Variants in PDE4B observed in about 807,000 individuals in gnomAD.
PDE4B encodes 3',5'-cyclic-AMP phosphodiesterase 4B.
Under a neutral mutation model 82.2 loss-of-function variants are expected in PDE4B, and 20 were observed. That is an observed-to-expected ratio of 0.24 (90% confidence interval 0.17 to 0.35). The LOEUF (loss-of-function observed/expected upper bound fraction) is 0.35. PDE4B is among the 10% of genes least tolerant of loss of function. PDE4B has a pLI of 1.00. For missense variants in PDE4B, 655 were observed against 907.2 expected (o/e 0.72, Z 3.57); for synonymous variants, 320 against 318.9 (o/e 1.00, Z -0.04).
intron 1 of PDE4B, among the ~76,000 whole-genome samples, chr1:65,801,229 A>C (rs1177397661): frequency 6.6e-6 from 1 of 152,182 alleles, no homozygotes; most frequent in African/African-American, 2.4e-5. Flanking sequence ...GAAGTGGCAA[A>C]ACAGATGTAG....
chr1:66,268,756 T>C (rs1476292082), intron 7 of PDE4B, among the ~76,000 whole-genome samples: 1 of 151,542 alleles, frequency 6.6e-6, no homozygotes, highest in East Asian at 1.9e-4. Flanking sequence ...CCAGCCAAGG[T>C]TCTTATCAGC....
Position 66,173,805 on chromosome 1 carries a change from A to T in PDE4B, c.282-73655A>T, listed in dbSNP as rs79333720. 1.5e-3 allele frequency among the ~76,000 whole-genome samples: 234 copies of T among 152,152 alleles called. 1 individual carries two copies. Among genetic ancestry groups the T allele is most frequent in the Non-Finnish European group, 2.2e-3 (149 of 67,996 alleles). On this transcript the variant is annotated intron_variant, in intron 3 of 16. Coordinates refer to ENST00000341517, the MANE Select transcript of PDE4B (RefSeq NM_002600.4). The stretch of plus-strand genomic sequence containing the variant: ...TTTTTGTTTGTTGGTTTGTTTTTTG[A>T]TGCAGAGTCTTGCTGTGTCACCCAG...
At position 65,808,122 on chromosome 1, in the gene PDE4B, G is replaced by T. The variant is rs1186538430; in HGVS notation, c.-71+14874G>T. On this transcript the variant is annotated intron_variant, in intron 1 of 16. Transcript: ENST00000341517. ...GAAGTGTAAGTAGGGCTTTGAGTCA[G>T]TGAGGATTAAAGGGAGTGTTGGGTC... 2.6e-5 allele frequency among the ~76,000 whole-genome samples: 4 copies of T among 151,528 alleles called. No homozygotes were observed. In the East Asian group the frequency reaches 7.8e-4, roughly 29 times the overall value.
At chr1:66,235,998 A>G (rs1164204323) in intron 3 of PDE4B, among the ~76,000 whole-genome samples, 1 of 152,210 alleles carries the variant, frequency 6.6e-6, no homozygotes, top group African/African-American at 2.4e-5. Flanking sequence ...GAGCTCAGCT[A>G]TTTGTTACAT....
At chr1:66,127,473 T>C (rs1645846904) in intron 3 of PDE4B, among the ~76,000 whole-genome samples, 1 of 152,174 alleles carries the variant, frequency 6.6e-6, no homozygotes, top group Non-Finnish European at 1.5e-5. Flanking sequence ...GGGAAAAAGA[T>C]GGTTGTATTT....
At chr1:66,136,745 T>C in intron 3 of PDE4B, among the ~76,000 whole-genome samples, 1 of 138,494 alleles carries the variant, frequency 7.2e-6, no homozygotes, top group Non-Finnish European at 1.6e-5. Context: ...GGAAGATAAC[T>C]GGAATGCAAA....
chr1:65,917,890 G>A (rs762764516), intron 2 of PDE4B, among the ~76,000 whole-genome samples: 39 of 152,336 alleles, frequency 2.6e-4, no homozygotes, highest in African/African-American at 7.2e-4. Flanking sequence ...ATGGCTAGGC[G>A]TAGTGGCTCA....
At chr1:66,289,726 TTA>T (rs962778435) in intron 7 of PDE4B, among the ~76,000 whole-genome samples, 2 of 150,390 alleles carry the variant, frequency 1.3e-5, no homozygotes, top group Admixed American at 6.6e-5. Flanking sequence ...ATATATATTT[TTA>T]AAAATGTAAC....
chr1:66,308,277 C>G (rs1231852231), intron 7 of PDE4B, among the ~76,000 whole-genome samples: 1 of 152,102 alleles, frequency 6.6e-6, no homozygotes, highest in Non-Finnish European at 1.5e-5. Flanking sequence ...GAGGAAGAAT[C>G]AAAATGCTGG....
At chr1:66,339,197 A>G (rs1660772700) in intron 8 of PDE4B, among the ~76,000 whole-genome samples, 1 of 152,192 alleles carries the variant, frequency 6.6e-6, no homozygotes, top group Non-Finnish European at 1.5e-5. Flanking sequence ...TAACATGTCC[A>G]CTGTTTTCCT....
chr1:66,200,117 T>G (rs1054269319), intron 3 of PDE4B, among the ~76,000 whole-genome samples: 4 of 152,150 alleles, frequency 2.6e-5, no homozygotes, highest in African/African-American at 9.7e-5. Context: ...TTTCACCATT[T>G]CTTGTTTTTG....
At chr1:66,273,869 G>A (rs1399986335) in intron 7 of PDE4B, among the ~76,000 whole-genome samples, 1 of 152,244 alleles carries the variant, frequency 6.6e-6, no homozygotes, top group Non-Finnish European at 1.5e-5. Context: ...CTCAGGACAT[G>A]TGCATAGTGC....
chr1:66,186,035 G>A (rs1647200111), intron 3 of PDE4B, among the ~76,000 whole-genome samples: 1 of 152,184 alleles, frequency 6.6e-6, no homozygotes, highest in African/African-American at 2.4e-5. Context: ...AAGGGATCCA[G>A]TTTCAGCTTT....
chr1:66,367,847 C>G lies in PDE4B; in HGVS notation c.1536C>G (p.Asp512Glu), dbSNP rs1232131834. The G allele has an allele frequency of 6.2e-7, 1 of 1,613,174 alleles. No individual in the cohort carries two copies. Among genetic ancestry groups the G allele is most frequent in the Non-Finnish European group, 8.5e-7 (1 of 1,179,512 alleles). Reference sequence around the variant, plus strand: ...AGACACTCAGGAAGATGGTTATTGACATGGTAAGACTTTAGCCTCTCTACA... The same window carrying G: ...AGACACTCAGGAAGATGGTTATTGAGATGGTAAGACTTTAGCCTCTCTACA... ...QRQTLRKMVI[D>E]MVLATDMSKH... Residue 512 changes from aspartate (D) to glutamate (E), a missense_variant, in exon 14 of 17, where the codon GAC (aspartate) becomes GAG (glutamate). By Grantham distance (45) the Asp-to-Glu change is conservative. Around this residue, in one of 3 missense-constraint regions of PDE4B, gnomAD observed 283 missense variants for 516.4 expected, o/e 0.55. Coordinates refer to ENST00000341517, the MANE Select transcript of PDE4B (RefSeq NM_002600.4).
intron 1 of PDE4B, among the ~76,000 whole-genome samples, chr1:65,897,468 C>G (rs1557804848): frequency 6.6e-6 from 1 of 152,036 alleles, no homozygotes; most frequent in East Asian, 1.9e-4. Flanking sequence ...GGTTCCATCT[C>G]TCAGGCAATA....
chr1:66,345,758 C>T (rs949132206), intron 8 of PDE4B, among the ~76,000 whole-genome samples: 15 of 152,140 alleles, frequency 9.9e-5, no homozygotes, highest in African/African-American at 3.1e-4. Flanking sequence ...TGCCTAATTC[C>T]AGCTTTCTAA....
intron 1 of PDE4B, among the ~76,000 whole-genome samples, chr1:65,801,030 G>T (rs2101162415): frequency 6.6e-6 from 1 of 152,258 alleles, no homozygotes; most frequent in East Asian, 1.9e-4. Flanking sequence ...CTCCCTTGAA[G>T]GTAGCAATGG....
intron 3 of PDE4B, among the ~76,000 whole-genome samples, chr1:66,063,665 A>G (rs2100903899): frequency 6.6e-6 from 1 of 152,118 alleles, no homozygotes; most frequent in East Asian, 1.9e-4. Context: ...GAACTGTTGT[A>G]TCTTCTCTCA....
At chr1:65,932,322 T>C (rs139828498) in intron 3 of PDE4B, among the ~76,000 whole-genome samples, 149 of 152,210 alleles carry the variant, frequency 9.8e-4, no homozygotes, top group African/African-American at 3.4e-3. Flanking sequence ...ATTCAACTTT[T>C]CTGGGGGCTA....
Sources: allele counts gnomAD v4.1 joint callset (sites outside exome capture counted in the v4.1 genomes callset), GRCh38; gene constraint gnomAD v4.1.1; regional missense constraint gnomAD v4.1.1; transcripts MANE v1.5; gene names NCBI Gene and HGNC (gene_info 2026-07-23, HGNC 2026-07-21).